CSTF3: variants seen among roughly 807,000 people sequenced by gnomAD.
CSTF3 encodes the protein CF-1 77 kDa subunit.
A neutral mutation model predicts 105.8 loss-of-function variants in CSTF3; 29 were observed. The observed-to-expected ratio is 0.27, with a 90% CI of 0.20 to 0.37. CSTF3 has a LOEUF of 0.37. Ranked by LOEUF, CSTF3 falls within the 10% of genes least tolerant of loss-of-function variation. The pLI is 1.00. For missense variants in CSTF3, 357 were observed against 879.3 expected (o/e 0.41, Z 7.51); for synonymous variants, 252 against 281.9 (o/e 0.89, Z 1.06).
Position 33,099,554 on chromosome 11 carries a change from T to C in CSTF3, c.936+54A>G. 1 of 1,120,512 alleles carries C rather than the reference T, an allele frequency of 8.9e-7. No individual in the cohort carries two copies. The highest frequency in any genetic ancestry group is 1.4e-5 in the South Asian group (1 of 71,162). The allele number at this position is 1,120,512 out of a possible 1,614,324, so 69.4% of individuals were successfully genotyped here. ...TCAGTTATATTTTTCAGTAAATAAT[T>C]GCTATATCAAAACCACAAAAATATC... is the stretch of plus-strand genomic sequence containing the variant. On this transcript the variant is annotated intron_variant, in intron 11 of 20. Transcript: ENST00000323959. The surrounding 1 kb of genome is among the most constrained non-coding windows in gnomAD (Gnocchi z 4.1).
intron 8 of CSTF3, 40 bp from the exon 9 acceptor site, chr11:33,103,224 T>A: frequency 1.0e-6 from 1 of 959,230 alleles, no homozygotes; most frequent in Non-Finnish European, 1.6e-6. Flanking sequence ...AAGTATAGTT[T>A]CTTAAAAATT....
Position 33,144,977 on chromosome 11 carries a change from T to TA in CSTF3, c.28-2992dup, listed in dbSNP as rs563857896. The TA allele has an allele frequency of 9.6e-3, 1,377 of 142,928 alleles. 8 individuals are homozygous for TA. Among genetic ancestry groups the TA allele is most frequent in the Middle Eastern group, 0.028 (11 of 398 alleles). The allele number at this position is 142,928 out of a possible 1,614,324, so 8.9% of individuals were successfully genotyped here. ...GGGTGACAGAGCCAGACCCTGTCTT[T>TA]AAAAAAAAAAAAGCCTTTAAAGAGT... On this transcript the variant is annotated intron_variant, in intron 1 of 20. Transcript: ENST00000323959.
At chr11:33,125,107 T>C (rs550459122) in intron 3 of CSTF3, among the ~76,000 whole-genome samples, 1 of 152,338 alleles carries the variant, frequency 6.6e-6, no homozygotes, top group African/African-American at 2.4e-5. Flanking sequence ...TTCCGCCCCA[T>C]GTAGTTCCTC....
chr11:33,145,600 CAGG>C (rs1427235323), intron 1 of CSTF3, among the ~76,000 whole-genome samples: 1 of 151,742 alleles, frequency 6.6e-6, no homozygotes, highest in Non-Finnish European at 1.5e-5. Context: ...CTCACTAGGT[CAGG>C]AGAACAGAAA....
At chr11:33,141,496 C>T in intron 3 of CSTF3, 171 bp downstream of exon 3, 2 of 1,321,944 alleles carry the variant, frequency 1.5e-6, no homozygotes, top group South Asian at 2.6e-5. Flanking sequence ...TTGTAAAAGA[C>T]CCAAATTTCA....
At position 33,092,270 on chromosome 11, in the gene CSTF3, C is replaced by T. The variant is rs1855177144; in HGVS notation, c.1445+1G>A. The T allele has an allele frequency of 6.3e-7, 1 of 1,591,678 alleles. No homozygotes were observed. The highest frequency in any genetic ancestry group is 1.4e-5 in the African/African-American group (1 of 73,432). ...ATCAACAACTTTTCACAATGGCTTA[C>T]CCAGACTTCTCAGGAGGAAGGCTTC... On this transcript the variant is annotated splice_donor_variant, in intron 16 of 20. Coordinates refer to ENST00000323959, the MANE Select transcript of CSTF3 (RefSeq NM_001326.3). LOFTEE classifies it high-confidence loss of function.
chr11:33,114,039 G>A (rs1250300768), intron 3 of CSTF3, among the ~76,000 whole-genome samples: 1 of 152,126 alleles, frequency 6.6e-6, no homozygotes, highest in Non-Finnish European at 1.5e-5. Context: ...GCATTAATTG[G>A]TCATCACGTA....
chr11:33,085,599 A>G (rs1855096653), intron 20 of CSTF3, 114 bp downstream of exon 20: 1 of 921,342 alleles, frequency 1.1e-6, no homozygotes, highest in Non-Finnish European at 1.7e-6. Flanking sequence ...GTTTCACTGC[A>G]CTTCAAATTG....
At chr11:33,087,182 G>A in intron 17 of CSTF3, 41 bp from the exon 18 acceptor site, 3 of 1,601,112 alleles carry the variant, frequency 1.9e-6, no homozygotes, top group East Asian at 2.2e-5. Flanking sequence ...CTGAAAAAGG[G>A]ACTACTAGAG....
intron 15 of CSTF3, 131 bp from the exon 16 acceptor site, chr11:33,092,471 T>A: frequency 1.8e-6 from 1 of 542,454 alleles, no homozygotes; most frequent in Non-Finnish European, 3.1e-6. Flanking sequence ...CACACTTGAT[T>A]TTTATAGATG....
Position 33,085,013 on chromosome 11 carries a change from T to G in CSTF3, c.*74A>C, listed in dbSNP as rs1443030740. The G allele has an allele frequency of 1.3e-5, 19 of 1,487,276 alleles. No homozygotes were observed. Among genetic ancestry groups the G allele is most frequent in the Non-Finnish European group, 1.8e-5 (19 of 1,067,296 alleles). The allele number at this position is 1,487,276 out of a possible 1,614,324, so 92.1% of individuals were successfully genotyped here. A position where few individuals can be genotyped will look rare whatever the true frequency, so the allele number is the denominator to read the frequency against. On this transcript the variant is annotated 3_prime_UTR_variant, in exon 21 of 21. Transcript: ENST00000323959. ...TTTCCAAGAACCTTGTAACAAAGCG[T>G]TGTCTCTTTTAAACATACCACTTGA...
In CSTF3 at chr11:33,142,000, A is replaced by G; in HGVS notation, c.28-14T>C. ...ATACTCAGCTGCCTGGGGAAAAAAA[A>G]CAACAGTGAACTAAAGTTACTGTTT... On this transcript the variant is annotated splice_polypyrimidine_tract_variant and intron_variant, in intron 1 of 20. Transcript: ENST00000323959. 1.2e-6 allele frequency: 2 copies of G among 1,613,558 alleles called. No individual in the cohort carries two copies. Among genetic ancestry groups the G allele is most frequent in the South Asian group, 2.2e-5 (2 of 91,002 alleles).
At chr11:33,114,474 A>G (rs1458471088) in intron 3 of CSTF3, among the ~76,000 whole-genome samples, 1 of 152,130 alleles carries the variant, frequency 6.6e-6, no homozygotes, top group Non-Finnish European at 1.5e-5. Context: ...AAAATCCCAT[A>G]AAGTCAAAAG....
chr11:33,088,813 T>G (rs1590260703), intron 17 of CSTF3, among the ~76,000 whole-genome samples: 2 of 151,798 alleles, frequency 1.3e-5, no homozygotes, highest in Non-Finnish European at 2.9e-5. Flanking sequence ...GAGATGGGAT[T>G]TCATCATGTT....
At chr11:33,136,063 A>G (rs1267412845) in intron 3 of CSTF3, 2 of 152,520 alleles carry the variant, frequency 1.3e-5, no homozygotes, top group Admixed American at 6.6e-5. Flanking sequence ...ACACTTGCAA[A>G]TAGAAAATTT....
intron 1 of CSTF3, among the ~76,000 whole-genome samples, chr11:33,142,473 C>T (rs1221924096): frequency 3.3e-5 from 5 of 151,966 alleles, no homozygotes; most frequent in Admixed American, 1.3e-4. Context: ...TACTGAGGGA[C>T]GATTGTATTT....
chr11:33,106,101 T>G, intron 5 of CSTF3, 37 bp from the exon 6 acceptor site: 1 of 1,543,192 alleles, frequency 6.5e-7, no homozygotes, highest in Non-Finnish European at 8.9e-7. Context: ...TTTAAATTTT[T>G]TTGTTATTAA....
chr11:33,127,012 T>A (rs380540), intron 3 of CSTF3, among the ~76,000 whole-genome samples: 5 of 151,974 alleles, frequency 3.3e-5, no homozygotes, highest in Admixed American at 2.0e-4. Flanking sequence ...CTGAAGAAAG[T>A]AAAGCAGCTA....
chr11:33,115,470 T>C lies in CSTF3; in HGVS notation c.226-7052A>G, dbSNP rs531554025. Among the ~76,000 whole-genome samples the C allele has an allele frequency of 4.7e-4, 71 of 152,326 alleles. No homozygotes were observed. The South Asian group carries it at 0.014, about 30-fold the overall frequency. On this transcript the variant is annotated intron_variant, in intron 3 of 20. Transcript: ENST00000323959. ...GCTTTTAAGTTAGCTGCTGGAGTGG[T>C]TGCAGAATATTCTTCTTTCCACCAC...
Sources: gnomAD v4.1 joint callset for allele counts (sites outside exome capture counted in the v4.1 genomes callset) on GRCh38, gnomAD v4.1.1 for gene constraint, Gnocchi (gnomAD v3.1) non-coding constraint, MANE v1.5 for transcripts, NCBI Gene and HGNC (gene_info 2026-07-23, HGNC 2026-07-21) for gene names.